Variants in AACS observed in about 807,000 individuals in gnomAD.
The protein encoded by AACS is acetoacetyl-CoA synthetase, also known as acetoacetate-CoA ligase.
AACS carries 69 observed loss-of-function variants against 83.1 expected under a neutral mutation model. That is an observed-to-expected ratio of 0.83 (90% CI 0.68 to 1.01). The LOEUF is 1.01. Among genes scored for constraint, AACS ranks in the 50% least tolerant of loss-of-function variants. The pLI is 0.00. For missense variants in AACS, 866 were observed against 882.2 expected, an observed-to-expected ratio of 0.98 and a Z score of 0.23; for synonymous variants, 333 against 343.4, an observed-to-expected ratio of 0.97 and a Z score of 0.33.
chr12:125,067,205 C>G (rs1460767345), intron 1 of AACS, among the ~76,000 whole-genome samples: 1 of 152,158 alleles, frequency 6.6e-6, no homozygotes, highest in Admixed American at 6.5e-5. Flanking sequence ...CAGAGCTGTT[C>G]CTCTCCTTCC....
Position 125,134,781 on chromosome 12 carries a change from T to C in AACS, c.1620-13T>C, listed in dbSNP as rs777759282. 3.7e-6 allele frequency: 6 copies of C among 1,613,954 alleles called. No individual in the cohort carries two copies. The African/African-American group carries it at 8.0e-5, about 22-fold the overall frequency. Reference sequence around the variant, plus strand: ...GAGCTGCGGTGTGGCCCTGACCTCTTCTCTCTTTCCAGTGACGGCACCCTC... The same window carrying C: ...GAGCTGCGGTGTGGCCCTGACCTCTCCTCTCTTTCCAGTGACGGCACCCTC... On this transcript the variant is annotated splice_polypyrimidine_tract_variant and intron_variant, in intron 15 of 17. Coordinates refer to ENST00000316519, the MANE Select transcript of AACS (RefSeq NM_023928.5).
At chr12:125,091,607 G>C in intron 5 of AACS, 84 bp downstream of exon 5, 1 of 1,409,426 alleles carries the variant, frequency 7.1e-7, no homozygotes, top group Non-Finnish European at 1.0e-6. Context: ...ATTCCCAGGG[G>C]AGCCGGACAG....
At chr12:125,131,928 T>C (rs1404533361) in intron 14 of AACS, among the ~76,000 whole-genome samples, 1 of 152,220 alleles carries the variant, frequency 6.6e-6, no homozygotes, top group Non-Finnish European at 1.5e-5. Context: ...CTTAAAATTT[T>C]AAAAGAAAGT....
In AACS at chr12:125,086,416, G is replaced by T. The variant is rs776819588; in HGVS notation, c.445G>T (p.Gly149Cys). 73 of 1,614,076 alleles carry T rather than the reference G, an allele frequency of 4.5e-5. No homozygotes were observed. Among genetic ancestry groups the T allele is most frequent in the Non-Finnish European group, 5.8e-5 (68 of 1,180,046 alleles). The change falls in exon 4 of 18, where the codon GGT (glycine) becomes TGT (cysteine). Residue 149 changes from glycine (G) to cysteine (C), a missense_variant. Gly to Cys is a radical substitution (Grantham distance 159, BLOSUM62 -3). Transcript: ENST00000316519. ...ALFAAAMRKM[G>C]VKKGDRVVGY... is the part of the protein sequence containing the mutation. ...GTTTGCAGCAGCAATGAGGAAAATG[G>T]GTGTGAAGAAAGGAGATCGGGTTGT...
intron 8 of AACS, among the ~76,000 whole-genome samples, chr12:125,109,914 GTTC>G (rs1956915489): frequency 6.6e-6 from 1 of 152,116 alleles, no homozygotes; most frequent in Admixed American, 6.6e-5. Flanking sequence ...ATGATGTGGT[GTTC>G]TTCTCCGTGC....
At chr12:125,080,494 CAT>C (rs1300407391) in intron 3 of AACS, among the ~76,000 whole-genome samples, 1 of 151,130 alleles carries the variant, frequency 6.6e-6, no homozygotes. Context: ...CTCTCTGTTA[CAT>C]ACAGTATTGG....
At chr12:125,076,722 C>A in intron 3 of AACS, 111 bp downstream of exon 3, 1 of 1,473,204 alleles carries the variant, frequency 6.8e-7, no homozygotes, top group Non-Finnish European at 9.2e-7. Context: ...ATGTTGGCAC[C>A]TTTCTGATGT....
chr12:125,092,923 G>T (rs1565933928), intron 5 of AACS, among the ~76,000 whole-genome samples: 1 of 152,220 alleles, frequency 6.6e-6, no homozygotes, highest in Non-Finnish European at 1.5e-5. Flanking sequence ...CGGCAGGATG[G>T]CAGGGTGTGC....
chr12:125,109,986 C>G (rs751963770), intron 8 of AACS, among the ~76,000 whole-genome samples: 5 of 151,436 alleles, frequency 3.3e-5, no homozygotes, highest in Non-Finnish European at 5.9e-5. Context: ...CTAGGCCACT[C>G]TTCAGAAATG....
chr12:125,086,299 T>G (rs766538915), intron 3 of AACS, 31 bp from the exon 4 acceptor site: 4 of 1,594,968 alleles, frequency 2.5e-6, no homozygotes, highest in Non-Finnish European at 2.6e-6. Flanking sequence ...TGCGGTGGTC[T>G]GTGTACAATT....
At chr12:125,111,842 G>T (rs367760465) in intron 8 of AACS, among the ~76,000 whole-genome samples, 1 of 152,168 alleles carries the variant, frequency 6.6e-6, no homozygotes, top group South Asian at 2.1e-4. Flanking sequence ...AAATATTTAA[G>T]AATTAAGGGA....
intron 9 of AACS, among the ~76,000 whole-genome samples, chr12:125,115,231 A>G (rs1957033983): frequency 6.6e-6 from 1 of 151,538 alleles, no homozygotes; most frequent in Non-Finnish European, 1.5e-5. Flanking sequence ...TGATCTAGCT[A>G]CAGGTCCTAG....
At chr12:125,100,589 G>A (rs1282910445) in intron 5 of AACS, among the ~76,000 whole-genome samples, 1 of 152,194 alleles carries the variant, frequency 6.6e-6, no homozygotes. Flanking sequence ...TGGGGAAATT[G>A]GACAGTGTTG....
chr12:125,090,062 C>T (rs1565931865), intron 4 of AACS, among the ~76,000 whole-genome samples: 3 of 142,818 alleles, frequency 2.1e-5, no homozygotes, highest in Non-Finnish European at 3.1e-5. Context: ...CATCCCTCAT[C>T]CATCTATCCA....
In AACS at chr12:125,113,628, G is replaced by A. The variant is rs1456309892; in HGVS notation, c.916-849G>A. On this transcript the variant is annotated intron_variant, in intron 8 of 17. Coordinates refer to ENST00000316519, the MANE Select transcript of AACS (RefSeq NM_023928.5). The surrounding 1 kb of genome is among the most constrained non-coding windows in gnomAD (Gnocchi z 4.8). ...ACAGACATGAGGGAGCTCCCGGCATGCCAAGGAAGAGCTCCCAGGTGTGCT... is the reference window on the plus strand; with the variant it reads ...ACAGACATGAGGGAGCTCCCGGCATACCAAGGAAGAGCTCCCAGGTGTGCT... Among the ~76,000 whole-genome samples the A allele has an allele frequency of 6.6e-6, 1 of 152,230 alleles. No homozygotes were observed. Among genetic ancestry groups the A allele is most frequent in the African/African-American group, 2.4e-5 (1 of 41,468 alleles).
At chr12:125,131,694 C>T (rs954759514) in intron 14 of AACS, among the ~76,000 whole-genome samples, 2 of 152,098 alleles carry the variant, frequency 1.3e-5, no homozygotes, top group East Asian at 1.9e-4. Context: ...TGCAGTGGCA[C>T]GATCTCAGCT....
chr12:125,066,493 A>G (rs1272690709), intron 1 of AACS, among the ~76,000 whole-genome samples: 32 of 128,176 alleles, frequency 2.5e-4, no homozygotes, highest in Admixed American at 2.4e-3. Flanking sequence ...CTCGTTGCCC[A>G]GGCTGGAGTG....
At chr12:125,112,678 CAA>C (rs56314902) in intron 8 of AACS, among the ~76,000 whole-genome samples, 4 of 108,390 alleles carry the variant, frequency 3.7e-5, no homozygotes, top group Admixed American at 9.6e-5. Context: ...GACTCTGTCT[CAA>C]AAAAAAAAAA....
intron 3 of AACS, among the ~76,000 whole-genome samples, chr12:125,084,580 T>A (rs1052674279): frequency 1.6e-5 from 1 of 62,772 alleles, no homozygotes; most frequent in African/African-American, 7.9e-5. Context: ...GTTTTTAAAT[T>A]TTTTTTTTTT....
Sources: gnomAD v4.1 joint callset for allele counts (sites outside exome capture counted in the v4.1 genomes callset) on GRCh38, gnomAD v4.1.1 for gene constraint, Gnocchi (gnomAD v3.1) non-coding constraint, MANE v1.5 for transcripts, NCBI Gene and HGNC (gene_info 2026-07-23, HGNC 2026-07-21) for gene names.